OAS2: variants seen among roughly 807,000 people sequenced by gnomAD.
The protein encoded by OAS2 is 2'-5'-oligoadenylate synthetase 2.
A neutral mutation model predicts 71.3 loss-of-function variants in OAS2; 67 were observed. That is an observed-to-expected ratio of 0.94 (90% confidence interval 0.77 to 1.15). The LOEUF is 1.15. OAS2 is among the 50% of genes most tolerant of loss of function. The probability of loss-of-function intolerance (pLI) is 0.00; values close to 1 mark genes in which losing one functional copy is unlikely to be tolerated. For missense variants in OAS2, 789 were observed against 822.5 expected, an observed-to-expected ratio of 0.96 and a Z score of 0.50; for synonymous variants, 327 against 321.8, an observed-to-expected ratio of 1.02 and a Z score of -0.17.
chr12:112,997,635 T>A lies in OAS2; in HGVS notation c.743T>A (p.Val248Asp). 6.2e-7 allele frequency: 1 copy of A among 1,614,124 alleles called. No individual in the cohort carries two copies. Among genetic ancestry groups the A allele is most frequent in the Non-Finnish European group, 8.5e-7 (1 of 1,179,998 alleles). Residue 248 changes from valine to aspartate, a missense_variant, in exon 4 of 10, where the codon GTC (valine) becomes GAC (aspartate). Transcript: ENST00000392583. Reference sequence around the variant, plus strand: ...GACAACTTTGACATTGCTGAAGGCGTCAGAACCGTACTGGAGCTGATCAAA... The same window carrying A: ...GACAACTTTGACATTGCTGAAGGCGACAGAACCGTACTGGAGCTGATCAAA... ...RKDNFDIAEG[V>D]RTVLELIKCQ...
intron 7 of OAS2, among the ~76,000 whole-genome samples, chr12:113,005,783 C>T (rs1206845517): frequency 6.6e-6 from 1 of 150,850 alleles, no homozygotes; most frequent in African/African-American, 2.4e-5. Flanking sequence ...CCCAGATACC[C>T]AGGAGGCTGA....
chr12:112,987,507 T>C (rs569377761), intron 2 of OAS2, 199 bp downstream of exon 2: 65 of 1,423,792 alleles, frequency 4.6e-5, no homozygotes, highest in Middle Eastern at 2.6e-4. Context: ...CATACCCTGA[T>C]TGTCTTTGGA....
intron 2 of OAS2, among the ~76,000 whole-genome samples, chr12:112,990,168 G>GT (rs1003813658): frequency 2.0e-5 from 3 of 152,166 alleles, no homozygotes; most frequent in Non-Finnish European, 4.4e-5. Context: ...ATTTTAAGAG[G>GT]TTTTTTCTGA....
At chr12:113,001,513 T>TACAC (rs1359478864) in intron 5 of OAS2, among the ~76,000 whole-genome samples, 1 of 147,556 alleles carries the variant, frequency 6.8e-6, no homozygotes, top group African/African-American at 2.6e-5. Flanking sequence ...TATACACATA[T>TACAC]ATATATACAC....
chr12:112,994,037 A>T (rs1454818602), intron 2 of OAS2, among the ~76,000 whole-genome samples: 1 of 152,040 alleles, frequency 6.6e-6, no homozygotes, highest in Non-Finnish European at 1.5e-5. Flanking sequence ...TGAAACTTAC[A>T]TTTGTTTTAT....
At chr12:112,979,372 C>T (rs2044058433) in intron 1 of OAS2, among the ~76,000 whole-genome samples, 1 of 152,154 alleles carries the variant, frequency 6.6e-6, no homozygotes, top group African/African-American at 2.4e-5. Context: ...CCAATACTAT[C>T]CTCTTAGCCT....
intron 5 of OAS2, among the ~76,000 whole-genome samples, chr12:113,002,610 T>C (rs2044298978): frequency 1.3e-5 from 2 of 152,168 alleles, no homozygotes; most frequent in Admixed American, 1.3e-4. Flanking sequence ...TAGGAAGTGA[T>C]GCTCCAACTG....
chr12:113,005,918 C>CAAAAAAAAAAAAAA (rs138299398), intron 7 of OAS2, among the ~76,000 whole-genome samples: 11 of 49,046 alleles, frequency 2.2e-4, no homozygotes, highest in Non-Finnish European at 3.1e-4. Flanking sequence ...ACAACAACAA[C>CAAAAAAAAAAAAAA]AAAAAAAAAA....
At chr12:113,000,938 G>A (rs1280697915) in intron 5 of OAS2, among the ~76,000 whole-genome samples, 1 of 152,222 alleles carries the variant, frequency 6.6e-6, no homozygotes, top group Non-Finnish European at 1.5e-5. Flanking sequence ...CTCCAGGTGA[G>A]CTAGCCCATC....
intron 1 of OAS2, among the ~76,000 whole-genome samples, chr12:112,981,431 A>G (rs562856949): frequency 6.6e-6 from 1 of 152,204 alleles, no homozygotes; most frequent in South Asian, 2.1e-4. Flanking sequence ...ATTCTTCTAC[A>G]TATGGATATC....
chr12:113,003,261 G>C (rs927309427), intron 6 of OAS2, among the ~76,000 whole-genome samples, 159 bp downstream of exon 6: 2 of 152,166 alleles, frequency 1.3e-5, no homozygotes, highest in Admixed American at 1.3e-4. Flanking sequence ...CTAGTTTTCA[G>C]GGGGGTTGTG....
Position 112,978,772 on chromosome 12 carries a change from AG to A in OAS2, c.167del (p.Gly56GlufsTer4), listed in dbSNP as rs780407986. The A allele has an allele frequency of 3.1e-6, 5 of 1,613,674 alleles. No homozygotes were observed. The highest frequency in any genetic ancestry group is 1.7e-4 in the Middle Eastern group (1 of 6,056). On this transcript the variant is annotated frameshift_variant, in exon 1 of 10. Transcript: ENST00000392583. LOFTEE classifies it high-confidence loss of function. This position sits in a 1 kb window ranked among gnomAD's most constrained non-coding sequence, Gnocchi z 4.2. ...GAACCCGAACAGTTCCCCCTGGTGC[AG>A]GGAGTGGCCATAGTGAGTCCAGGGC... is the stretch of plus-strand genomic sequence containing the variant. ...LQEPEQFPLVQGVAIGGSYGR... is the reference protein window; with the variant it reads ...LQEPEQFPLVXGVAIGGSYGR...
intron 8 of OAS2, among the ~76,000 whole-genome samples, chr12:113,006,828 C>G (rs775312293): frequency 2.1e-4 from 32 of 152,252 alleles, no homozygotes; most frequent in Admixed American, 5.9e-4. Context: ...TGCCCTCACA[C>G]TGGCCAAAGA....
At chr12:112,980,994 A>AT (rs1431905418) in intron 1 of OAS2, among the ~76,000 whole-genome samples, 1 of 151,970 alleles carries the variant, frequency 6.6e-6, no homozygotes, top group Non-Finnish European at 1.5e-5. Context: ...TCATATACCC[A>AT]TTGGCCATTT....
chr12:112,999,249 C>T (rs1444380425), intron 5 of OAS2, among the ~76,000 whole-genome samples: 1 of 152,190 alleles, frequency 6.6e-6, no homozygotes, highest in African/African-American at 2.4e-5. Flanking sequence ...TTCCCCCTCC[C>T]ATCCCCAAAA....
intron 2 of OAS2, chr12:112,988,006 A>G: frequency 2.0e-6 from 2 of 985,468 alleles, no homozygotes; most frequent in Non-Finnish European, 2.4e-6. Flanking sequence ...TCTTAAAGCA[A>G]GTAGCTAGGC....
At chr12:113,003,577 C>T (rs1180557421) in intron 6 of OAS2, among the ~76,000 whole-genome samples, 1 of 152,120 alleles carries the variant, frequency 6.6e-6, no homozygotes, top group African/African-American at 2.4e-5. Flanking sequence ...TTTAGGGGTC[C>T]ACCATTGAAC....
At chr12:112,997,074 A>G (rs1470920002) in intron 3 of OAS2, among the ~76,000 whole-genome samples, 1 of 152,132 alleles carries the variant, frequency 6.6e-6, no homozygotes, top group Non-Finnish European at 1.5e-5. Flanking sequence ...TTCTATAGGG[A>G]ACAAAACATC....
At chr12:112,989,229 A>G (rs567698304) in intron 2 of OAS2, among the ~76,000 whole-genome samples, 2 of 152,314 alleles carry the variant, frequency 1.3e-5, no homozygotes, top group East Asian at 1.9e-4. Flanking sequence ...GTTCCCCTGC[A>G]CAAGCTCTCT....
Sources: allele counts gnomAD v4.1 joint callset (sites outside exome capture counted in the v4.1 genomes callset), GRCh38; gene constraint gnomAD v4.1.1; non-coding constraint Gnocchi (gnomAD v3.1); transcripts MANE v1.5; gene names NCBI Gene and HGNC (gene_info 2026-07-23, HGNC 2026-07-21).